PCSK6: variants seen among roughly 807,000 people sequenced by gnomAD.
PCSK6 encodes proprotein convertase subtilisin/kexin type 6.
A neutral mutation model predicts 123.3 loss-of-function variants in PCSK6; 85 were observed. That is an observed-to-expected ratio of 0.69 (90% CI 0.58 to 0.83). The LOEUF (loss-of-function observed/expected upper bound fraction) is 0.83. Ranked by LOEUF, PCSK6 falls within the 40% of genes least tolerant of loss-of-function variation. The pLI, the probability that PCSK6 is intolerant of heterozygous loss-of-function variation, is 0.00. For missense variants in PCSK6, 1,191 were observed against 1,282.3 expected, an observed-to-expected ratio of 0.93 and a Z score of 1.09; for synonymous variants, 508 against 516.0, an observed-to-expected ratio of 0.98 and a Z score of 0.21.
intron 1 of PCSK6, among the ~76,000 whole-genome samples, chr15:101,447,363 C>T (rs1264761256): frequency 6.6e-6 from 1 of 152,176 alleles, no homozygotes; most frequent in Non-Finnish European, 1.5e-5. Context: ...CCCTGACTCA[C>T]AGATTAGGGT....
rs1035439060 is a variant in PCSK6, at chr15:101,429,932, A to T, written c.734+55T>A. 3.5e-6 allele frequency: 5 copies of T among 1,423,864 alleles called. No individual in the cohort carries two copies. In the South Asian group the frequency reaches 5.7e-5, roughly 16 times the overall value. 88.2% of individuals were successfully genotyped at this position (1,423,864 alleles called of 1,614,324 possible). A position where few individuals can be genotyped will look rare whatever the true frequency, so the allele number is the denominator to read the frequency against. On this transcript the variant is annotated intron_variant, in intron 5 of 21. Transcript: ENST00000611716. Reference sequence around the variant, plus strand: ...CAGCTCCCTCGCACACACATTCAATAGTGACGCTGCAGGGAGGGGAAGAGA... The same window carrying T: ...CAGCTCCCTCGCACACACATTCAATTGTGACGCTGCAGGGAGGGGAAGAGA...
chr15:101,318,066 G>A (rs1231256122), intron 19 of PCSK6, among the ~76,000 whole-genome samples: 4 of 152,192 alleles, frequency 2.6e-5, no homozygotes, highest in African/African-American at 7.2e-5. Flanking sequence ...ACACTGTTAT[G>A]TAACCATTGC....
intron 12 of PCSK6, among the ~76,000 whole-genome samples, chr15:101,367,794 C>T (rs1412711475): frequency 6.6e-6 from 1 of 152,214 alleles, no homozygotes; most frequent in Non-Finnish European, 1.5e-5. Context: ...ACTCAGATGA[C>T]AGCTGGAGTA....
intron 6 of PCSK6, among the ~76,000 whole-genome samples, chr15:101,405,187 G>T (rs1192453369): frequency 6.6e-6 from 1 of 152,178 alleles, no homozygotes; most frequent in African/African-American, 2.4e-5. Flanking sequence ...CCAAGGAGAA[G>T]AAAAACAGTA....
chr15:101,389,692 T>C (rs957537984), intron 8 of PCSK6, 128 bp from the exon 9 acceptor site: 3 of 680,354 alleles, frequency 4.4e-6, no homozygotes, highest in Non-Finnish European at 7.7e-6. Context: ...ACAAATAAGG[T>C]GTTAGGCAAA....
intron 6 of PCSK6, among the ~76,000 whole-genome samples, chr15:101,407,428 C>T (rs114966590): frequency 2.0e-5 from 3 of 152,080 alleles, no homozygotes; most frequent in African/African-American, 4.8e-5. Flanking sequence ...TTCCTTCAGG[C>T]GCTACCCAGG....
intron 13 of PCSK6, among the ~76,000 whole-genome samples, chr15:101,335,522 T>C (rs982702021): frequency 1.3e-5 from 2 of 152,228 alleles, no homozygotes; most frequent in African/African-American, 4.8e-5. Context: ...GTTTCTTGTG[T>C]ATCATTTCTG....
rs549651832 is a variant in PCSK6 at position 101,367,270 on chromosome 15, A to C, written c.1722-938T>G. Among the ~76,000 whole-genome samples, 336 of 152,278 alleles carry C rather than the reference A, an allele frequency of 2.2e-3. 3 individuals carry two copies. The highest frequency in any genetic ancestry group is 7.8e-3 in the African/African-American group (324 of 41,564). ...TCAGAAGTGACTCTTTCTGTACTGGAATCAATTCCAGGTTTTTTCCTCTTA... is the reference window on the plus strand; with the variant it reads ...TCAGAAGTGACTCTTTCTGTACTGGCATCAATTCCAGGTTTTTTCCTCTTA... On this transcript the variant is annotated intron_variant, in intron 12 of 21. Coordinates refer to ENST00000611716, the MANE Select transcript of PCSK6 (RefSeq NM_002570.5).
intron 13 of PCSK6, among the ~76,000 whole-genome samples, chr15:101,358,188 C>G (rs892419604): frequency 2.0e-5 from 3 of 152,100 alleles, no homozygotes; most frequent in African/African-American, 7.2e-5. Flanking sequence ...TGGGGGTAGG[C>G]GGAGTAAGGC....
Position 101,398,470 on chromosome 15 carries a change from G to A in PCSK6, c.930C>T (p.Asp310=), listed in dbSNP as rs778968902. 65 of 1,613,820 alleles carry A rather than the reference G, an allele frequency of 4.0e-5. No homozygotes were observed. The highest frequency in any genetic ancestry group is 8.3e-5 in the Admixed American group (5 of 60,008). The change falls in exon 7 of 22, where the codon GAC becomes GAT. Residue 310 remains aspartate, a synonymous_variant. Transcript: ENST00000611716. This position sits in a 1 kb window ranked among gnomAD's most constrained non-coding sequence, Gnocchi z 4.6. The stretch of plus-strand genomic sequence containing the variant: ...CGGGCCCGTCCACCGTCTTGCCGTC[G>A]TCGTCCGGCCCCCAGCTGGCACTGT... ...DIYSASWGPD[D]DGKTVDGPGR...
At position 101,428,559 on chromosome 15, in the gene PCSK6, G is replaced by A. The variant is rs74916244; in HGVS notation, c.735-579C>T. 4.2e-3 allele frequency among the ~76,000 whole-genome samples: 640 copies of A among 152,338 alleles called. 7 individuals carry two copies. The East Asian group carries it at 0.053, about 13-fold the overall frequency. ...GCTCTAAATTAAACACTCAGCAGCT[G>A]GGAGACTATGAAGAAATGACCAGAA... On this transcript the variant is annotated intron_variant, in intron 5 of 21. Transcript: ENST00000611716.
chr15:101,423,020 G>T (rs1221031260), intron 6 of PCSK6, among the ~76,000 whole-genome samples: 1 of 140,604 alleles, frequency 7.1e-6, no homozygotes, highest in Admixed American at 6.9e-5. Flanking sequence ...CATATGCAAA[G>T]AAAGAGAAAT....
At position 101,409,508 on chromosome 15, in the gene PCSK6, C is replaced by G. The variant is rs371477512; in HGVS notation, c.824-10932G>C. ...GCTGAGGCAGGAGAATGGCGTGAAC[C>G]CGGGAGGCGGAGCTTGCAGTGAGCC... On this transcript the variant is annotated intron_variant, in intron 6 of 21. Coordinates refer to ENST00000611716, the MANE Select transcript of PCSK6 (RefSeq NM_002570.5). Among the ~76,000 whole-genome samples the G allele has an allele frequency of 1.5e-3, 226 of 150,176 alleles. 1 individual carries two copies. Among genetic ancestry groups the G allele is most frequent in the African/African-American group, 5.5e-3 (220 of 40,246 alleles).
intron 2 of PCSK6, among the ~76,000 whole-genome samples, chr15:101,441,938 C>T (rs1007618248): frequency 3.9e-5 from 6 of 152,208 alleles, no homozygotes; most frequent in African/African-American, 9.7e-5. Flanking sequence ...TGACAGATGA[C>T]GGTCTCTCAA....
intron 6 of PCSK6, among the ~76,000 whole-genome samples, chr15:101,416,752 G>A (rs760242341): frequency 3.3e-5 from 5 of 152,260 alleles, no homozygotes; most frequent in Non-Finnish European, 5.9e-5. Context: ...TTGGGCTGTG[G>A]CTTCAGAGGG....
chr15:101,427,267 C>T (rs540883249), intron 6 of PCSK6, among the ~76,000 whole-genome samples: 12 of 152,212 alleles, frequency 7.9e-5, no homozygotes, highest in East Asian at 1.9e-4. Flanking sequence ...GTGAATGAGA[C>T]GGGGGACAGC....
chr15:101,431,587 C>T, intron 3 of PCSK6, 124 bp from the exon 4 acceptor site: 1 of 1,159,326 alleles, frequency 8.6e-7, no homozygotes, highest in Non-Finnish European at 1.3e-6. Context: ...AACACCTATC[C>T]CTGCCTTACA....
chr15:101,470,349 C>T (rs1237053019), intron 1 of PCSK6, among the ~76,000 whole-genome samples: 1 of 152,158 alleles, frequency 6.6e-6, no homozygotes, highest in Non-Finnish European at 1.5e-5. Flanking sequence ...CAGCTTAACA[C>T]TTTCTCCTTT....
At chr15:101,372,203 G>A (rs901335766) in intron 11 of PCSK6, among the ~76,000 whole-genome samples, 6 of 152,042 alleles carry the variant, frequency 3.9e-5, no homozygotes, top group Non-Finnish European at 7.4e-5. Context: ...CAGACCCACC[G>A]CCGCCCAGCA....
Sources: gnomAD v4.1 joint callset for allele counts (sites outside exome capture counted in the v4.1 genomes callset) on GRCh38, gnomAD v4.1.1 for gene constraint, Gnocchi (gnomAD v3.1) non-coding constraint, MANE v1.5 for transcripts, NCBI Gene and HGNC (gene_info 2026-07-23, HGNC 2026-07-21) for gene names.